The following LRRC4C variants were observed in gnomAD, a reference collection of about 807,000 sequenced individuals.
LRRC4C encodes leucine-rich repeat-containing protein 4C.
In LRRC4C, 5 loss-of-function variants were observed where a neutral mutation model predicts 33.6. That is an observed-to-expected ratio of 0.15 (90% confidence interval 0.08 to 0.31). The LOEUF (loss-of-function observed/expected upper bound fraction) is 0.31, where lower values mean the gene tolerates loss of function less well. LRRC4C is among the 10% of genes least tolerant of loss of function. The probability of loss-of-function intolerance (pLI) is 1.00; values close to 1 mark genes in which losing one functional copy is unlikely to be tolerated. For synonymous variants in LRRC4C, 329 were observed against 302.0 expected (o/e 1.09, Z -0.93); for missense variants, 560 against 796.7 (o/e 0.70, Z 3.58).
intron 1 of LRRC4C, among the ~76,000 whole-genome samples, chr11:41,312,560 G>A (rs1375295170): frequency 6.6e-6 from 1 of 152,130 alleles, no homozygotes; most frequent in African/African-American, 2.4e-5. Context: ...TGAGATTAGT[G>A]CACAGCATAT....
chr11:40,408,232 AT>A (rs1350752453), intron 3 of LRRC4C, among the ~76,000 whole-genome samples: 3 of 151,952 alleles, frequency 2.0e-5, no homozygotes, highest in African/African-American at 7.2e-5. Context: ...TCCCCTCACA[AT>A]GTTTCAAATA....
intron 3 of LRRC4C, among the ~76,000 whole-genome samples, chr11:40,457,247 A>G (rs2138146984): frequency 6.6e-6 from 1 of 152,236 alleles, no homozygotes; most frequent in African/African-American, 2.4e-5. Context: ...AAATTTAAAA[A>G]TTACAGAAAG....
At chr11:41,309,142 A>G (rs1332822113) in intron 1 of LRRC4C, among the ~76,000 whole-genome samples, 1 of 152,198 alleles carries the variant, frequency 6.6e-6, no homozygotes, top group Non-Finnish European at 1.5e-5. Context: ...TGATGGTAAC[A>G]GCATTTTCTG....
At chr11:41,060,574 C>T (rs1315142500) in intron 1 of LRRC4C, among the ~76,000 whole-genome samples, 7 of 152,126 alleles carry the variant, frequency 4.6e-5, no homozygotes, top group African/African-American at 1.7e-4. Context: ...TATGAGGACA[C>T]TAATTCTGTT....
chr11:41,390,325 G>A (rs1337241453), intron 1 of LRRC4C, among the ~76,000 whole-genome samples: 1 of 151,866 alleles, frequency 6.6e-6, no homozygotes, highest in African/African-American at 2.4e-5. Flanking sequence ...TGAATGGCTG[G>A]CTCAGGGTTT....
chr11:41,056,018 G>A (rs10837561), intron 1 of LRRC4C, among the ~76,000 whole-genome samples: 15,359 of 152,128 alleles, frequency 0.1, 832 homozygotes, highest in South Asian at 0.17. Flanking sequence ...AGAAGTGTTA[G>A]TTACATGTAC....
intron 1 of LRRC4C, among the ~76,000 whole-genome samples, chr11:40,958,852 A>G (rs1223208472): frequency 6.6e-6 from 1 of 151,712 alleles, no homozygotes; most frequent in East Asian, 1.9e-4. Context: ...CATAAAGAAA[A>G]CCAGGGCCTG....
intron 4 of LRRC4C, among the ~76,000 whole-genome samples, chr11:40,295,096 G>T (rs1300851696): frequency 6.6e-6 from 1 of 152,096 alleles, no homozygotes; most frequent in East Asian, 1.9e-4. Context: ...CCATTAACTC[G>T]TGTTAGAGAA....
chr11:41,381,895 C>T (rs1412165814), intron 1 of LRRC4C, among the ~76,000 whole-genome samples: 1 of 148,932 alleles, frequency 6.7e-6, no homozygotes, highest in Non-Finnish European at 1.5e-5. Flanking sequence ...CTCATTTGTT[C>T]TGCCAATTCA....
At chr11:40,468,657 T>A (rs560021429) in intron 3 of LRRC4C, among the ~76,000 whole-genome samples, 5 of 152,328 alleles carry the variant, frequency 3.3e-5, no homozygotes, top group African/African-American at 1.2e-4. Flanking sequence ...TTTTGGCTAG[T>A]GTATGTGTAC....
At chr11:40,481,211 C>G (rs893104216) in intron 3 of LRRC4C, among the ~76,000 whole-genome samples, 1 of 151,982 alleles carries the variant, frequency 6.6e-6, no homozygotes, top group African/African-American at 2.4e-5. Context: ...TATAATTGCA[C>G]CAGTCAGGAC....
chr11:40,985,284 G>A (rs898774328), intron 1 of LRRC4C, among the ~76,000 whole-genome samples: 10 of 152,054 alleles, frequency 6.6e-5, no homozygotes, highest in African/African-American at 2.4e-4. Flanking sequence ...ACAGTTATGA[G>A]TCTATGGGTT....
At chr11:41,178,522 T>G (rs1435522951) in intron 1 of LRRC4C, among the ~76,000 whole-genome samples, 1 of 151,726 alleles carries the variant, frequency 6.6e-6, no homozygotes, top group Non-Finnish European at 1.5e-5. Context: ...TCTGGCAAAT[T>G]TTTGTACTTT....
rs56061263 is a variant in LRRC4C, at chr11:40,577,832, C to CTTTTTTTT, written c.-270+70302_-270+70309dup. 2.7e-3 allele frequency among the ~76,000 whole-genome samples: 318 copies of CTTTTTTTT among 119,334 alleles called. 1 individual carries two copies. The highest frequency in any genetic ancestry group is 3.5e-3 in the Non-Finnish European group (205 of 58,378). The allele number at this position is 119,334 out of a possible 152,430, so 78.3% of individuals were successfully genotyped here. A position where few individuals can be genotyped will look rare whatever the true frequency, so the allele number is the denominator to read the frequency against. On this transcript the variant is annotated intron_variant, in intron 3 of 6. Transcript: ENST00000528697. ...TTTTTGTTTGTTTGTTTTCTTTTTT[C>CTTTTTTTT]TTTTTTTTTTTTTTTTTTTTTGAGA...
In LRRC4C at chr11:41,221,203, CA is replaced by C. The variant is rs1947290225; in HGVS notation, c.-496+238227del. Among the ~76,000 whole-genome samples the C allele has an allele frequency of 2.8e-5, 4 of 145,424 alleles. No individual in the cohort carries two copies. In the South Asian group the frequency reaches 8.7e-4, roughly 32 times the overall value. The stretch of plus-strand genomic sequence containing the variant: ...CCCCTAATGTGCCCAAACAAATTTA[CA>C]AAAAACAACCTCATAAAAAAGTGGG... On this transcript the variant is annotated intron_variant, in intron 1 of 6. Transcript: ENST00000528697.
At chr11:40,585,887 G>C (rs573708873) in intron 3 of LRRC4C, among the ~76,000 whole-genome samples, 22 of 135,964 alleles carry the variant, frequency 1.6e-4, no homozygotes, top group African/African-American at 5.1e-4. Flanking sequence ...GGACATTTGG[G>C]TTGGTTCCAA....
chr11:40,368,429 A>G (rs1283669033), intron 3 of LRRC4C, among the ~76,000 whole-genome samples: 1 of 152,172 alleles, frequency 6.6e-6, no homozygotes, highest in Non-Finnish European at 1.5e-5. Context: ...TGAACCTTCC[A>G]TAATAAAGTT....
At chr11:41,456,140 C>T (rs1385418374) in intron 1 of LRRC4C, among the ~76,000 whole-genome samples, 1 of 122,342 alleles carries the variant, frequency 8.2e-6, no homozygotes, top group Non-Finnish European at 2.0e-5. Flanking sequence ...GAGAGTGTAT[C>T]TTCTTCTTCC....
At chr11:41,116,183 T>A (rs1942114238) in intron 1 of LRRC4C, among the ~76,000 whole-genome samples, 1 of 152,182 alleles carries the variant, frequency 6.6e-6, no homozygotes, top group Admixed American at 6.6e-5. Context: ...CATTTAAGAC[T>A]ACAAGCTTTG....
Sources: gnomAD v4.1 joint callset for allele counts (sites outside exome capture counted in the v4.1 genomes callset) on GRCh38, gnomAD v4.1.1 for gene constraint, MANE v1.5 for transcripts, NCBI Gene and HGNC (gene_info 2026-07-23, HGNC 2026-07-21) for gene names.